The following NELFA variants were observed in gnomAD, a reference collection of about 807,000 sequenced individuals.
NELFA encodes negative elongation factor complex member A.
A neutral mutation model predicts 51.8 loss-of-function variants in NELFA; 35 were observed. The ratio of observed to expected loss-of-function variants is 0.68; its 90% confidence interval spans 0.52 to 0.90. The LOEUF is 0.90. Ranked by LOEUF, NELFA falls within the 40% of genes least tolerant of loss-of-function variation. NELFA has a pLI of 0.00. For missense variants in NELFA, 658 were observed against 746.4 expected, an observed-to-expected ratio of 0.88 and a Z score of 1.38; for synonymous variants, 417 against 338.4, an observed-to-expected ratio of 1.23 and a Z score of -2.55.
In NELFA at chr4:1,983,968, A is replaced by G; in HGVS notation, c.1182T>C (p.Pro394=). Residue 394 remains proline, a synonymous_variant, in exon 9 of 11, where the codon CCT becomes CCC. Transcript: ENST00000382882. ...CAGCCGGAGGTGTGGTGGGTGTCAG[A>G]GGCGAGGTGGGCGCCGCAGGCGTGG... is the stretch of plus-strand genomic sequence containing the variant. ...ATPTPAAPTS[P]LTPTTPPAVA... The G allele has an allele frequency of 6.2e-7, 1 of 1,610,138 alleles. No individual in the cohort carries two copies. The highest frequency in any genetic ancestry group is 8.5e-7 in the Non-Finnish European group (1 of 1,179,288).
chr4:2,008,052 C>G (rs1408888024), intron 1 of NELFA: 1 of 456,756 alleles, frequency 2.2e-6, no homozygotes, highest in Non-Finnish European at 4.4e-6. Context: ...GGGGTCTTTG[C>G]GAGGTGAGAA....
intron 2 of NELFA, among the ~76,000 whole-genome samples, chr4:1,990,914 A>C (rs558334): frequency 0.28 from 43,280 of 152,020 alleles, 6,345 homozygotes; most frequent in African/African-American, 0.34. Context: ...GATCCTCCTG[A>C]CTCAGCCTCC....
At chr4:1,993,089 C>T (rs1320464723) in intron 1 of NELFA, among the ~76,000 whole-genome samples, 1 of 152,234 alleles carries the variant, frequency 6.6e-6, no homozygotes. Flanking sequence ...CCAGCCAGTG[C>T]GGCCTCTCCA....
At chr4:1,993,600 AAAG>A (rs1728342463) in intron 1 of NELFA, among the ~76,000 whole-genome samples, 1 of 151,692 alleles carries the variant, frequency 6.6e-6, no homozygotes, top group South Asian at 2.1e-4. Flanking sequence ...AGAAAGAAAG[AAAG>A]AAAAAGAAAA....
At chr4:2,007,995 CG>C (rs1386976837) in intron 1 of NELFA, 8 of 456,900 alleles carry the variant, frequency 1.8e-5, no homozygotes, top group Non-Finnish European at 3.1e-5. Flanking sequence ...TGACGCAAAA[CG>C]GCGTGTAGAA....
chr4:1,999,772 C>G (rs895267856), intron 1 of NELFA, among the ~76,000 whole-genome samples: 3 of 152,192 alleles, frequency 2.0e-5, no homozygotes, highest in South Asian at 2.1e-4. Flanking sequence ...GAACTCAACT[C>G]TGGATCAAGT....
At chr4:1,997,771 A>G (rs1728463948) in intron 1 of NELFA, among the ~76,000 whole-genome samples, 1 of 152,178 alleles carries the variant, frequency 6.6e-6, no homozygotes, top group South Asian at 2.1e-4. Flanking sequence ...CACTCCCTCC[A>G]TCATGGGACA....
At chr4:1,990,577 A>C (rs1457880791) in intron 2 of NELFA, 3 of 448,764 alleles carry the variant, frequency 6.7e-6, no homozygotes, top group Non-Finnish European at 1.4e-5. Context: ...AGGTGGGGAG[A>C]GGTGCCACTT....
chr4:1,998,518 C>G (rs1044263446), intron 1 of NELFA, among the ~76,000 whole-genome samples: 1 of 152,106 alleles, frequency 6.6e-6, no homozygotes, highest in East Asian at 1.9e-4. Context: ...CAAGTATTAA[C>G]AGCCGAATCC....
At chr4:1,995,810 A>C (rs975946954) in intron 1 of NELFA, among the ~76,000 whole-genome samples, 2 of 151,112 alleles carry the variant, frequency 1.3e-5, no homozygotes, top group Non-Finnish European at 2.9e-5. Context: ...ATACAGCATA[A>C]GCTGAGAAGG....
intron 6 of NELFA, 95 bp from the exon 7 acceptor site, chr4:1,985,959 GCCA>G: frequency 5.9e-6 from 8 of 1,348,816 alleles, no homozygotes; most frequent in East Asian, 2.5e-5. Context: ...CCCAGGGGAG[GCCA>G]CCAAGGAGCG....
In NELFA at chr4:2,008,870, C is replaced by A. The variant is rs754190908; in HGVS notation, c.90G>T (p.Ala30=). 5 of 1,601,124 alleles carry A rather than the reference C, an allele frequency of 3.1e-6. No individual in the cohort carries two copies. In the South Asian group the frequency reaches 5.6e-5, roughly 18 times the overall value. Residue 30 remains alanine (A), a synonymous_variant, in exon 1 of 11, where the codon GCG becomes GCT. Coordinates refer to ENST00000382882, the MANE Select transcript of NELFA (RefSeq NM_005663.5). ...TDELWAPPSI[A]SLLTAAVIDN... ...CGATGACCGCGGCCGTGAGCAGGGA[C>A]GCGATGCTGGGCGGCGCCCACAGCT...
chr4:1,988,071 A>G (rs2109057188), intron 3 of NELFA, 64 bp from the exon 4 acceptor site: 1 of 1,382,634 alleles, frequency 7.2e-7, no homozygotes, highest in South Asian at 1.2e-5. Context: ...CCTTGTAAAA[A>G]CATCTCTGTC....
chr4:1,986,362 G>A lies in NELFA; in HGVS notation c.675C>T (p.Ser225=). The A allele has an allele frequency of 6.2e-7, 1 of 1,609,494 alleles. No individual in the cohort carries two copies. Among genetic ancestry groups the A allele is most frequent in the East Asian group, 2.2e-5 (1 of 44,712 alleles). The change falls in exon 5 of 11, where the codon AGC becomes AGT. Residue 225 remains serine (S), a synonymous_variant. Transcript: ENST00000382882. The part of the protein sequence containing the change: ...KGIPKQAPFR[S]PTAPSVFSPT... The stretch of plus-strand genomic sequence containing the variant: ...GGCTGAAGACGCTGGGCGCCGTGGG[G>A]CTTCTGAAGGGCGCCTGCTTCGGGA...
chr4:1,983,174 A>G lies in NELFA; in HGVS notation c.*145T>C, dbSNP rs1727945197. ...CCAAATACCCCAGAGAAATGCATCC[A>G]GAACTTAAAACAGGCTGGGTCAGCA... On this transcript the variant is annotated 3_prime_UTR_variant, in exon 11 of 11. Coordinates refer to ENST00000382882, the MANE Select transcript of NELFA (RefSeq NM_005663.5). 6 of 708,312 alleles carry G rather than the reference A, an allele frequency of 8.5e-6. No individual in the cohort carries two copies. Among genetic ancestry groups the G allele is most frequent in the African/African-American group, 1.8e-5 (1 of 55,840 alleles). 43.9% of individuals were successfully genotyped at this position (708,312 alleles called of 1,614,324 possible). A position where few individuals can be genotyped will look rare whatever the true frequency, so the allele number is the denominator to read the frequency against.
At chr4:1,986,036 C>G (rs918208825) in intron 6 of NELFA, 78 bp downstream of exon 6, 1 of 1,472,312 alleles carries the variant, frequency 6.8e-7, no homozygotes, top group South Asian at 1.2e-5. Flanking sequence ...GCCCGCCGAG[C>G]GTGGGCACAA....
intron 2 of NELFA, among the ~76,000 whole-genome samples, chr4:1,991,034 A>G (rs1217823358): frequency 6.6e-6 from 1 of 152,228 alleles, no homozygotes; most frequent in African/African-American, 2.4e-5. Context: ...CCTGGGCTCA[A>G]GCAATCTGGC....
intron 1 of NELFA, among the ~76,000 whole-genome samples, chr4:2,005,454 G>C (rs1728685889): frequency 1.3e-5 from 2 of 152,142 alleles, no homozygotes; most frequent in Admixed American, 1.3e-4. Context: ...CCAAAAATCA[G>C]GCTGGGCATA....
In NELFA at chr4:1,985,794, G is replaced by A. The variant is rs547994297; in HGVS notation, c.906C>T (p.Ala302=). 60 of 1,613,132 alleles carry A rather than the reference G, an allele frequency of 3.7e-5. No individual in the cohort carries two copies. The highest frequency in any genetic ancestry group is 3.3e-4 in the Middle Eastern group (2 of 6,060). Residue 302 remains alanine, a synonymous_variant, in exon 7 of 11, where the codon GCC becomes GCT. Transcript: ENST00000382882. ...VVENATPDYA[A]GLVSTQKLGS... ...GCCCTACCTGCGTGGACACCAGGCC[G>A]GCTGCGTAGTCCGGGGTGGCGTTCT... is the stretch of plus-strand genomic sequence containing the variant.
Sources: gnomAD v4.1 joint callset for allele counts (sites outside exome capture counted in the v4.1 genomes callset) on GRCh38, gnomAD v4.1.1 for gene constraint, MANE v1.5 for transcripts, NCBI Gene and HGNC (gene_info 2026-07-23, HGNC 2026-07-21) for gene names.